Variants in ATXN7L1 observed in about 807,000 individuals in gnomAD.
ATXN7L1 encodes the protein ataxin-7-like protein 1.
A neutral mutation model predicts 70.8 loss-of-function variants in ATXN7L1; 15 were observed. That is an observed-to-expected ratio of 0.21 (90% confidence interval 0.14 to 0.33). ATXN7L1 has a LOEUF of 0.33. Ranked by LOEUF, ATXN7L1 falls within the 10% of genes least tolerant of loss-of-function variation. The pLI is 1.00. For missense variants in ATXN7L1, 975 were observed against 1,097.1 expected (o/e 0.89, Z 1.57); for synonymous variants, 440 against 445.1 (o/e 0.99, Z 0.14).
rs1300387982 is a variant in ATXN7L1 at position 105,664,947 on chromosome 7, C to A, written c.578+119G>T. 12 of 1,014,146 alleles carry A rather than the reference C, an allele frequency of 1.2e-5. No individual in the cohort carries two copies. The East Asian group carries it at 3.2e-4, about 27-fold the overall frequency. The allele number at this position is 1,014,146 out of a possible 1,614,324, so 62.8% of individuals were successfully genotyped here. A position where few individuals can be genotyped will look rare whatever the true frequency, so the allele number is the denominator to read the frequency against. On this transcript the variant is annotated intron_variant, in intron 4 of 11. Transcript: ENST00000419735. Reference sequence around the variant, plus strand: ...GGTTTCTGTCCTTTCATTCCTCAGTCCCCCAAATTCCTGCATGTGACACCT... The same window carrying A: ...GGTTTCTGTCCTTTCATTCCTCAGTACCCCAAATTCCTGCATGTGACACCT...
At chr7:105,778,571 A>G (rs1421646599) in intron 3 of ATXN7L1, among the ~76,000 whole-genome samples, 1 of 151,550 alleles carries the variant, frequency 6.6e-6, no homozygotes, top group Non-Finnish European at 1.5e-5. Context: ...TGAAGATCCT[A>G]TTAATTTATT....
intron 2 of ATXN7L1, among the ~76,000 whole-genome samples, chr7:105,804,430 A>T (rs1807271130): frequency 6.6e-6 from 1 of 152,186 alleles, no homozygotes; most frequent in South Asian, 2.1e-4. Flanking sequence ...CACAAGAAGG[A>T]AGCTCTTGTT....
chr7:105,768,982 C>T (rs1315666441), intron 3 of ATXN7L1, among the ~76,000 whole-genome samples: 1 of 152,202 alleles, frequency 6.6e-6, no homozygotes, highest in African/African-American at 2.4e-5. Context: ...GGTCTCTATC[C>T]ATGGAAAATG....
At chr7:105,700,994 T>A (rs2116235019) in intron 3 of ATXN7L1, among the ~76,000 whole-genome samples, 1 of 152,322 alleles carries the variant, frequency 6.6e-6, no homozygotes, top group East Asian at 1.9e-4. Context: ...TGTGCCTTAT[T>A]ATTTATAGCT....
In ATXN7L1 at chr7:105,624,204, C is replaced by G. The variant is rs1183588038; in HGVS notation, c.1266G>C (p.Glu422Asp). Residue 422 changes from glutamate to aspartate, a missense_variant, in exon 8 of 12, where the codon GAG (glutamate) becomes GAC (aspartate). Physicochemically the swap from Glu to Asp is conservative, Grantham distance 45. Around this residue, in one of 5 missense-constraint regions of ATXN7L1, gnomAD observed 635 missense variants for 699.4 expected, o/e 0.91. Transcript: ENST00000419735. Reference protein sequence around the residue: ...TSSNHSGHTPEPPLPPVGGDL... With the variant: ...TSSNHSGHTPDPPLPPVGGDL... ...CACCTCCAACCGGTGGGAGTGGGGG[C>G]TCTGGAGTGTGGCCGCTATGATTTG... 2.0e-6 allele frequency: 3 copies of G among 1,521,192 alleles called. No homozygotes were observed. The highest frequency in any genetic ancestry group is 2.7e-6 in the Non-Finnish European group (3 of 1,130,144). The allele number at this position is 1,521,192 out of a possible 1,614,324, so 94.2% of individuals were successfully genotyped here.
At chr7:105,619,140 G>GTTTTTTT (rs1191774371) in intron 9 of ATXN7L1, among the ~76,000 whole-genome samples, 1,824 of 49,818 alleles carry the variant, frequency 0.037, 556 homozygotes, top group Admixed American at 0.041. Context: ...GAAATCTTTA[G>GTTTTTTT]TTTTTTTTTT....
chr7:105,728,098 T>C (rs1392523296), intron 3 of ATXN7L1, among the ~76,000 whole-genome samples: 1 of 152,096 alleles, frequency 6.6e-6, no homozygotes, highest in Non-Finnish European at 1.5e-5. Flanking sequence ...TAGCTGGAGA[T>C]AAAATGTTAA....
chr7:105,779,047 G>T (rs1803169506), intron 3 of ATXN7L1, among the ~76,000 whole-genome samples: 1 of 152,208 alleles, frequency 6.6e-6, no homozygotes, highest in Non-Finnish European at 1.5e-5. Context: ...GGATGGAAAT[G>T]ACTTTTCTGC....
At chr7:105,854,086 C>G (rs1815322763) in intron 2 of ATXN7L1, among the ~76,000 whole-genome samples, 1 of 152,194 alleles carries the variant, frequency 6.6e-6, no homozygotes, top group Non-Finnish European at 1.5e-5. Context: ...TCTCTGCAGG[C>G]AGGCAGTTTT....
At chr7:105,774,238 T>C (rs549091) in intron 3 of ATXN7L1, among the ~76,000 whole-genome samples, 23,342 of 152,082 alleles carry the variant, frequency 0.15, 2,086 homozygotes, top group Admixed American at 0.21. Flanking sequence ...CCTGCCTTCT[T>C]AAACGCACCG....
chr7:105,748,362 G>A (rs13226773), intron 3 of ATXN7L1, among the ~76,000 whole-genome samples: 2 of 152,182 alleles, frequency 1.3e-5, no homozygotes, highest in African/African-American at 2.4e-5. Context: ...ACTCTGGCTG[G>A]GTTGCCTGTC....
At chr7:105,678,037 T>C (rs879877123) in intron 3 of ATXN7L1, 4 of 984,810 alleles carry the variant, frequency 4.1e-6, no homozygotes, top group Non-Finnish European at 4.8e-6. Context: ...AAACAGGAAG[T>C]TGTCTTGAAG....
chr7:105,875,981 GA>G, intron 1 of ATXN7L1, 101 bp from the exon 2 acceptor site: 2 of 1,009,130 alleles, frequency 2.0e-6, no homozygotes, highest in Non-Finnish European at 3.1e-6. Flanking sequence ...CAAACAGATC[GA>G]TATAAATACT....
intron 3 of ATXN7L1, among the ~76,000 whole-genome samples, chr7:105,733,215 T>C (rs1796771277): frequency 6.6e-6 from 1 of 152,224 alleles, no homozygotes; most frequent in African/African-American, 2.4e-5. Flanking sequence ...AAATATCTAC[T>C]GAAGAAATAC....
intron 7 of ATXN7L1, among the ~76,000 whole-genome samples, chr7:105,637,885 A>G (rs1797620019): frequency 6.6e-6 from 1 of 152,166 alleles, no homozygotes; most frequent in Admixed American, 6.5e-5. Flanking sequence ...CAACTGGACT[A>G]GCATGGTGCA....
At chr7:105,797,011 G>C (rs994709986) in intron 2 of ATXN7L1, among the ~76,000 whole-genome samples, 2 of 152,182 alleles carry the variant, frequency 1.3e-5, no homozygotes, top group Non-Finnish European at 2.9e-5. Context: ...CATTGTGAGA[G>C]ATTCAAAATC....
chr7:105,628,069 T>C (rs1256422109), intron 7 of ATXN7L1, among the ~76,000 whole-genome samples: 1 of 151,652 alleles, frequency 6.6e-6, no homozygotes, highest in East Asian at 2.0e-4. Flanking sequence ...GGTCTTGAAC[T>C]CTTGACCTCG....
intron 2 of ATXN7L1, among the ~76,000 whole-genome samples, chr7:105,842,172 A>G (rs964660055): frequency 1.4e-4 from 21 of 148,128 alleles, no homozygotes; most frequent in African/African-American, 5.0e-4. Context: ...GTCATCTTAC[A>G]GCAATAACCA....
At chr7:105,610,474 C>T in intron 11 of ATXN7L1, 55 bp downstream of exon 11, 7 of 1,425,302 alleles carry the variant, frequency 4.9e-6, no homozygotes, top group East Asian at 5.0e-5. Context: ...AAACTCTTTC[C>T]ACTCTGCTGA....
Sources: allele counts gnomAD v4.1 joint callset (sites outside exome capture counted in the v4.1 genomes callset), GRCh38; gene constraint gnomAD v4.1.1; regional missense constraint gnomAD v4.1.1; transcripts MANE v1.5; gene names NCBI Gene and HGNC (gene_info 2026-07-23, HGNC 2026-07-21).